The following HDGFL3 variants were observed in gnomAD, a reference collection of about 807,000 sequenced individuals.
HDGFL3 encodes the protein hepatoma-derived growth factor-related protein 3.
A neutral mutation model predicts 27.6 loss-of-function variants in HDGFL3; 6 were observed. The ratio of observed to expected loss-of-function variants is 0.22; its 90% CI spans 0.12 to 0.43. The LOEUF (loss-of-function observed/expected upper bound fraction) is 0.43. HDGFL3 is among the 20% of genes least tolerant of loss of function. HDGFL3 has a pLI of 1.00. For synonymous variants in HDGFL3, 88 were observed against 88.9 expected, an observed-to-expected ratio of 0.99 and a Z score of 0.05; for missense variants, 207 against 250.1, an observed-to-expected ratio of 0.83 and a Z score of 1.16.
intron 1 of HDGFL3, among the ~76,000 whole-genome samples, chr15:83,200,206 C>G (rs749924810): frequency 9.9e-5 from 15 of 151,486 alleles, no homozygotes; most frequent in Admixed American, 9.2e-4. Flanking sequence ...ATCAGCCCAG[C>G]GTGGTGGTGG....
At chr15:83,174,496 C>G (rs1329672176) in intron 1 of HDGFL3, among the ~76,000 whole-genome samples, 4 of 135,754 alleles carry the variant, frequency 2.9e-5, no homozygotes, top group Non-Finnish European at 6.3e-5. Context: ...GAGCACCACC[C>G]TAAAAAAAAA....
intron 1 of HDGFL3, chr15:83,192,395 A>C: frequency 2.3e-6 from 1 of 431,446 alleles, no homozygotes; most frequent in Non-Finnish European, 4.6e-6. Context: ...TATGGAAAGC[A>C]AACAGTAGGA....
chr15:83,128,563 C>G lies in HDGFL3; in HGVS notation c.*10707G>C, dbSNP rs1273953357. 1 of 152,198 alleles carries G rather than the reference C, an allele frequency of 6.6e-6. No individual in the cohort carries two copies. Among genetic ancestry groups the G allele is most frequent in the African/African-American group, 2.4e-5 (1 of 41,452 alleles). 9.4% of individuals were successfully genotyped at this position (152,198 alleles called of 1,614,324 possible). ...TTATCTTTGTATCTTTCAATACCAA[C>G]TATAAGCTGATAACTTCCAGTTTTC... is the stretch of plus-strand genomic sequence containing the variant. On this transcript the variant is annotated 3_prime_UTR_variant, in exon 6 of 6. Transcript: ENST00000299633.
chr15:83,201,796 T>C (rs538718084), intron 1 of HDGFL3, among the ~76,000 whole-genome samples: 1 of 152,206 alleles, frequency 6.6e-6, no homozygotes, highest in South Asian at 2.1e-4. Flanking sequence ...AATGAACATA[T>C]TGGTATCAAA....
chr15:83,190,677 G>T (rs1045996728), intron 1 of HDGFL3, among the ~76,000 whole-genome samples: 5 of 151,846 alleles, frequency 3.3e-5, no homozygotes, highest in African/African-American at 1.2e-4. Context: ...AGCTTTATTG[G>T]TTCTATGTAT....
intron 2 of HDGFL3, among the ~76,000 whole-genome samples, chr15:83,158,769 T>C (rs1211511163): frequency 6.6e-6 from 1 of 152,246 alleles, no homozygotes. Context: ...AGGCATCCAC[T>C]GGAGGTCTTG....
intron 1 of HDGFL3, among the ~76,000 whole-genome samples, chr15:83,171,179 CCTACTG>C (rs2037242125): frequency 6.6e-6 from 1 of 151,602 alleles, no homozygotes; most frequent in Admixed American, 6.6e-5. Context: ...AGGTCTATCT[CCTACTG>C]CTATCCCTCC....
At position 83,136,270 on chromosome 15, in the gene HDGFL3, T is replaced by C; in HGVS notation, c.*3000A>G. 2.4e-6 allele frequency: 1 copy of C among 422,910 alleles called. No individual in the cohort carries two copies. Among genetic ancestry groups the C allele is most frequent in the Non-Finnish European group, 4.2e-6 (1 of 239,630 alleles). 26.2% of individuals were successfully genotyped at this position (422,910 alleles called of 1,614,324 possible). Reference sequence around the variant, plus strand: ...AATATCTACTTTATTTGAACAGTCATATCAAGAATGGCCCTAAATTTAATC... The same window carrying C: ...AATATCTACTTTATTTGAACAGTCACATCAAGAATGGCCCTAAATTTAATC... On this transcript the variant is annotated 3_prime_UTR_variant, in exon 6 of 6. Coordinates refer to ENST00000299633, the MANE Select transcript of HDGFL3 (RefSeq NM_016073.4).
chr15:83,127,286 T>A, downstream of HDGFL3: 1 of 1,446,026 alleles, frequency 6.9e-7, no homozygotes. Flanking sequence ...AAATGTTTAC[T>A]TTTTTGTACT....
At chr15:83,206,488 A>G (rs2037717934) in intron 1 of HDGFL3, among the ~76,000 whole-genome samples, 2 of 152,258 alleles carry the variant, frequency 1.3e-5, no homozygotes, top group African/African-American at 4.8e-5. Flanking sequence ...AAAGAGCTTA[A>G]TAAAAATTGT....
At chr15:83,165,673 T>C (rs2037161371) in intron 1 of HDGFL3, among the ~76,000 whole-genome samples, 1 of 151,780 alleles carries the variant, frequency 6.6e-6, no homozygotes, top group African/African-American at 2.4e-5. Context: ...TGGGCACCTG[T>C]AGTCCCAGCT....
At chr15:83,157,301 G>T in intron 4 of HDGFL3, 114 bp downstream of exon 4, 1 of 1,046,666 alleles carries the variant, frequency 9.6e-7, no homozygotes, top group Non-Finnish European at 1.4e-6. Flanking sequence ...AAAGGCAGAG[G>T]CTCCATAGAA....
chr15:83,133,959 T>TA lies in HDGFL3; in HGVS notation c.*5310dup, dbSNP rs1210766899. 2 of 152,198 alleles carry TA rather than the reference T, an allele frequency of 1.3e-5. No individual in the cohort carries two copies. Among genetic ancestry groups the TA allele is most frequent in the Non-Finnish European group, 2.9e-5 (2 of 68,040 alleles). 9.4% of individuals were successfully genotyped at this position (152,198 alleles called of 1,614,324 possible). On this transcript the variant is annotated 3_prime_UTR_variant, in exon 6 of 6. Transcript: ENST00000299633. ...ACTGGGAGCTGCACACCACTGGCCT[T>TA]AGAGTTCTTCTCTCACATACAAATG...
chr15:83,155,073 C>G lies in HDGFL3; in HGVS notation c.459+2342G>C, dbSNP rs556119074. Among the ~76,000 whole-genome samples, 16 of 152,202 alleles carry G rather than the reference C, an allele frequency of 1.1e-4. No individual in the cohort carries two copies. The South Asian group carries it at 3.3e-3, about 32-fold the overall frequency. ...GGAGATGAGGTCTCACTATGTTGCC[C>G]AGGCTGGTCTCAAACTCCTGGGCTC... On this transcript the variant is annotated intron_variant, in intron 4 of 5. Coordinates refer to ENST00000299633, the MANE Select transcript of HDGFL3 (RefSeq NM_016073.4).
intron 1 of HDGFL3, among the ~76,000 whole-genome samples, chr15:83,201,146 C>G (rs1270521188): frequency 6.6e-6 from 1 of 151,698 alleles, no homozygotes; most frequent in Non-Finnish European, 1.5e-5. Context: ...AAAGATCCTT[C>G]ATAGTCAGTA....
chr15:83,169,169 G>A, intron 1 of HDGFL3: 1 of 434,722 alleles, frequency 2.3e-6, no homozygotes, highest in South Asian at 1.7e-5. Flanking sequence ...TACCAAACAG[G>A]CAAAAACTGG....
At chr15:83,178,633 G>A (rs898220521) in intron 1 of HDGFL3, among the ~76,000 whole-genome samples, 4 of 152,128 alleles carry the variant, frequency 2.6e-5, no homozygotes, top group Admixed American at 2.0e-4. Context: ...TCCAGCCTGG[G>A]TGACAGAGTG....
chr15:83,157,278 G>A, intron 4 of HDGFL3, 137 bp downstream of exon 4: 1 of 830,572 alleles, frequency 1.2e-6, no homozygotes, highest in East Asian at 2.6e-5. Flanking sequence ...TCCCTCTGCT[G>A]TATTTTGTCC....
chr15:83,144,858 G>A, intron 5 of HDGFL3: 1 of 291,124 alleles, frequency 3.4e-6, no homozygotes, highest in Non-Finnish European at 6.7e-6. Flanking sequence ...TAAGTCACTA[G>A]TTTTCAGTTA....
Sources: gnomAD v4.1 joint callset for allele counts (sites outside exome capture counted in the v4.1 genomes callset) on GRCh38, gnomAD v4.1.1 for gene constraint, MANE v1.5 for transcripts, NCBI Gene and HGNC (gene_info 2026-07-23, HGNC 2026-07-21) for gene names.